CYSTM1: variants seen among roughly 807,000 people sequenced by gnomAD.
CYSTM1 encodes the protein cysteine rich transmembrane module containing 1.
CYSTM1 carries 4 observed loss-of-function variants against 13.1 expected under a neutral mutation model. The ratio of observed to expected loss-of-function variants is 0.31; its 90% CI spans 0.15 to 0.70. The LOEUF (loss-of-function observed/expected upper bound fraction) is 0.70. Among genes scored for constraint, CYSTM1 ranks in the 30% least tolerant of loss-of-function variants. The pLI, the probability that CYSTM1 is intolerant of heterozygous loss-of-function variation, is 0.72. For missense variants in CYSTM1, 96 were observed against 121.6 expected (o/e 0.79, Z 0.99); for synonymous variants, 36 against 42.7 (o/e 0.84, Z 0.62).
chr5:140,181,277 C>G (rs1474488238), intron 1 of CYSTM1, among the ~76,000 whole-genome samples: 2 of 152,134 alleles, frequency 1.3e-5, no homozygotes, highest in Non-Finnish European at 2.9e-5. Flanking sequence ...TTCCTGCTGC[C>G]ACTAGCTTCC....
chr5:140,182,589 C>T (rs916819570), intron 1 of CYSTM1, among the ~76,000 whole-genome samples: 4 of 150,504 alleles, frequency 2.7e-5, no homozygotes, highest in African/African-American at 9.8e-5. Context: ...CTCAGATTCT[C>T]CTGGGAAACT....
At chr5:140,226,490 T>C (rs1288179045) in intron 2 of CYSTM1, among the ~76,000 whole-genome samples, 1 of 111,896 alleles carries the variant, frequency 8.9e-6, no homozygotes, top group Non-Finnish European at 1.8e-5. Flanking sequence ...TATTTATATA[T>C]ATATAATATA....
At chr5:140,215,410 GTGGTCCAGAAGAGC>G (rs1764414606) in intron 2 of CYSTM1, among the ~76,000 whole-genome samples, 1 of 152,056 alleles carries the variant, frequency 6.6e-6, no homozygotes, top group South Asian at 2.1e-4. Flanking sequence ...AGAGCGATCA[GTGGTCCAGAAGAGC>G]TGGTTTCTTC....
intron 1 of CYSTM1, among the ~76,000 whole-genome samples, chr5:140,180,750 G>A (rs1763952259): frequency 6.6e-6 from 1 of 152,134 alleles, no homozygotes; most frequent in Non-Finnish European, 1.5e-5. Context: ...GTCTCTGTGG[G>A]CAGCAAGCTT....
rs111692483 is a variant in CYSTM1, at chr5:140,206,706, C to T, written c.187+12054C>T. 9.2e-3 allele frequency among the ~76,000 whole-genome samples: 1,408 copies of T among 152,320 alleles called. 25 individuals carry two copies. The highest frequency in any genetic ancestry group is 0.033 in the African/African-American group (1,352 of 41,556). ...AGTATAGTGGCATAAACAAGGTTCA[C>T]TGCAGCCTTGACTTCCTGGGCTCAA... On this transcript the variant is annotated intron_variant, in intron 2 of 2. Transcript: ENST00000261811.
chr5:140,216,659 C>T (rs1294588404), intron 2 of CYSTM1, among the ~76,000 whole-genome samples: 1 of 152,186 alleles, frequency 6.6e-6, no homozygotes, highest in East Asian at 1.9e-4. Flanking sequence ...AAGCTTGCTG[C>T]CTGTATGCTA....
chr5:140,236,404 G>A (rs1458784324), intron 2 of CYSTM1, among the ~76,000 whole-genome samples: 3 of 152,258 alleles, frequency 2.0e-5, no homozygotes, highest in Non-Finnish European at 4.4e-5. Flanking sequence ...AAACAGGAAT[G>A]TACACGCTGC....
At chr5:140,187,198 T>G in intron 1 of CYSTM1, among the ~76,000 whole-genome samples, 1 of 149,384 alleles carries the variant, frequency 6.7e-6, no homozygotes, top group Admixed American at 6.7e-5. Context: ...CTGAACAAAC[T>G]GCACCCAAAA....
intron 2 of CYSTM1, among the ~76,000 whole-genome samples, chr5:140,215,040 C>T (rs1764410907): frequency 6.6e-6 from 1 of 152,226 alleles, no homozygotes; most frequent in Admixed American, 6.5e-5. Context: ...TGCCCGTAGG[C>T]ACCTAGTGCA....
intron 2 of CYSTM1, chr5:140,201,991 A>C (rs1407991865): frequency 1.5e-5 from 2 of 133,884 alleles, no homozygotes; most frequent in East Asian, 4.4e-4. Flanking sequence ...GCTGGAGTGC[A>C]GTGGCGCAAT....
At chr5:140,226,007 ACCT>A (rs1235404574) in intron 2 of CYSTM1, among the ~76,000 whole-genome samples, 1 of 152,080 alleles carries the variant, frequency 6.6e-6, no homozygotes, top group East Asian at 1.9e-4. Flanking sequence ...GTGGGTAAAC[ACCT>A]CCTCTTCTTT....
chr5:140,229,631 T>G (rs1764597462), intron 2 of CYSTM1, among the ~76,000 whole-genome samples: 1 of 152,122 alleles, frequency 6.6e-6, no homozygotes, highest in Non-Finnish European at 1.5e-5. Flanking sequence ...GTCTATATTT[T>G]CTTTTAAAAA....
intron 2 of CYSTM1, among the ~76,000 whole-genome samples, chr5:140,217,459 C>T (rs1424691258): frequency 6.6e-6 from 1 of 152,094 alleles, no homozygotes; most frequent in East Asian, 1.9e-4. Flanking sequence ...GGCTACTAGG[C>T]CCACTCTCCC....
chr5:140,229,173 T>G (rs1407422391), intron 2 of CYSTM1, among the ~76,000 whole-genome samples: 1 of 152,132 alleles, frequency 6.6e-6, no homozygotes, highest in Non-Finnish European at 1.5e-5. Context: ...GTTTTATAGG[T>G]GTGCAAATAT....
intron 1 of CYSTM1, among the ~76,000 whole-genome samples, chr5:140,188,213 T>A (rs1236820252): frequency 6.6e-6 from 1 of 151,746 alleles, no homozygotes. Flanking sequence ...CAGCTAGGAC[T>A]ATGTATAACA....
At chr5:140,205,173 C>G (rs901913030) in intron 2 of CYSTM1, among the ~76,000 whole-genome samples, 1 of 152,042 alleles carries the variant, frequency 6.6e-6, no homozygotes, top group Non-Finnish European at 1.5e-5. Context: ...TCAGGGGTAC[C>G]CTTTTGGGCC....
intron 1 of CYSTM1, among the ~76,000 whole-genome samples, chr5:140,179,550 ACT>A (rs768652872): frequency 2.0e-5 from 3 of 151,914 alleles, no homozygotes; most frequent in Admixed American, 6.6e-5. Context: ...ACAGAGGAAG[ACT>A]CTGTCTGAAA....
intron 2 of CYSTM1, among the ~76,000 whole-genome samples, chr5:140,196,854 T>A (rs1012004166): frequency 7.2e-5 from 11 of 152,224 alleles, no homozygotes; most frequent in Non-Finnish European, 1.6e-4. Context: ...CTCCTGGCTG[T>A]GGAGTTGGGA....
At chr5:140,182,989 G>A (rs553230743) in intron 1 of CYSTM1, among the ~76,000 whole-genome samples, 151 of 152,346 alleles carry the variant, frequency 9.9e-4, no homozygotes, top group African/African-American at 3.6e-3. Context: ...ATGGAGCAAA[G>A]CCAGGCTGGC....
Sources: gnomAD v4.1 joint callset for allele counts (sites outside exome capture counted in the v4.1 genomes callset) on GRCh38, gnomAD v4.1.1 for gene constraint, MANE v1.5 for transcripts, NCBI Gene and HGNC (gene_info 2026-07-23, HGNC 2026-07-21) for gene names.